CHL1: variants seen among roughly 807,000 people sequenced by gnomAD.
CHL1 encodes the protein cell adhesion molecule L1 like, also known as neural cell adhesion molecule L1-like protein.
CHL1 carries 96 observed loss-of-function variants against 141.9 expected under a neutral mutation model. That is an observed-to-expected ratio of 0.68 (90% CI 0.57 to 0.80). The LOEUF (loss-of-function observed/expected upper bound fraction) is 0.80. Ranked by LOEUF, CHL1 falls within the 30% of genes least tolerant of loss-of-function variation. CHL1 has a pLI of 0.00. For missense variants in CHL1, 1,820 were observed against 1,457.2 expected, an observed-to-expected ratio of 1.25 and a Z score of -4.05; for synonymous variants, 613 against 502.2, an observed-to-expected ratio of 1.22 and a Z score of -2.95.
At chr3:288,617 G>T (rs1001210704) in intron 2 of CHL1, among the ~76,000 whole-genome samples, 4 of 152,146 alleles carry the variant, frequency 2.6e-5, no homozygotes, top group African/African-American at 9.7e-5. Context: ...CCATGAAGGA[G>T]GATGTGATTG....
chr3:323,368 A>G (rs1427111860), intron 3 of CHL1, among the ~76,000 whole-genome samples: 2 of 152,118 alleles, frequency 1.3e-5, no homozygotes, highest in Non-Finnish European at 2.9e-5. Flanking sequence ...AATTTTTGAT[A>G]TTCTATAATG....
chr3:343,338 T>G (rs938373253), intron 8 of CHL1, among the ~76,000 whole-genome samples: 2 of 152,170 alleles, frequency 1.3e-5, no homozygotes, highest in African/African-American at 2.4e-5. Flanking sequence ...GTATATAAGG[T>G]TGATACTTTT....
intron 1 of CHL1, among the ~76,000 whole-genome samples, chr3:201,613 T>C (rs1346624145): frequency 2.0e-5 from 3 of 152,186 alleles, no homozygotes; most frequent in African/African-American, 7.2e-5. Context: ...AGTTTGCTAA[T>C]TGAACTGACA....
At chr3:265,284 C>G (rs959087647) in intron 2 of CHL1, among the ~76,000 whole-genome samples, 12 of 152,304 alleles carry the variant, frequency 7.9e-5, no homozygotes, top group African/African-American at 1.7e-4. Flanking sequence ...AATGGAAATA[C>G]TTGCCTGATA....
chr3:397,984 G>A (rs1184935002), intron 24 of CHL1, among the ~76,000 whole-genome samples: 1 of 151,954 alleles, frequency 6.6e-6, no homozygotes, highest in Non-Finnish European at 1.5e-5. Context: ...CATGTGACCA[G>A]GCAGATTTAC....
At chr3:274,357 G>C (rs1367005666) in intron 2 of CHL1, among the ~76,000 whole-genome samples, 1 of 152,130 alleles carries the variant, frequency 6.6e-6, no homozygotes, top group African/African-American at 2.4e-5. Flanking sequence ...GTAATATTCA[G>C]AAATCTTACT....
At chr3:253,137 G>A (rs1026376042) in intron 2 of CHL1, among the ~76,000 whole-genome samples, 1 of 152,038 alleles carries the variant, frequency 6.6e-6, no homozygotes, top group African/African-American at 2.4e-5. Context: ...AGTCCTTACA[G>A]AGTTTATTTT....
intron 3 of CHL1, among the ~76,000 whole-genome samples, chr3:320,320 A>G (rs889603742): frequency 2.0e-5 from 3 of 152,084 alleles, no homozygotes; most frequent in Non-Finnish European, 4.4e-5. Context: ...TAGCAAAACA[A>G]TAAGCCATTT....
intron 10 of CHL1, among the ~76,000 whole-genome samples, chr3:350,080 A>T (rs575812513): frequency 2.8e-4 from 42 of 152,306 alleles, no homozygotes; most frequent in African/African-American, 1.0e-3. Flanking sequence ...GGTTCAGATG[A>T]TAAATTCAGT....
chr3:224,409 T>G (rs1276241588), intron 1 of CHL1, among the ~76,000 whole-genome samples: 4 of 152,116 alleles, frequency 2.6e-5, no homozygotes, highest in African/African-American at 9.7e-5. Context: ...TGTTCGAGAT[T>G]AGGCCTGGTA....
chr3:343,154 A>C (rs1279813821), intron 8 of CHL1, 123 bp downstream of exon 8: 3 of 700,324 alleles, frequency 4.3e-6, no homozygotes, highest in African/African-American at 1.8e-5. Context: ...AAAACATCTG[A>C]ACTTAGAGGG....
intron 2 of CHL1, among the ~76,000 whole-genome samples, chr3:286,413 C>A (rs1375478205): frequency 6.6e-6 from 1 of 151,998 alleles, no homozygotes; most frequent in Non-Finnish European, 1.5e-5. Flanking sequence ...GAGATCAAGA[C>A]CAGCCTGGCC....
chr3:344,734 G>T (rs746745834), intron 9 of CHL1, 25 bp downstream of exon 9: 2 of 1,610,996 alleles, frequency 1.2e-6, no homozygotes, highest in South Asian at 2.2e-5. Flanking sequence ...TCTCACTCAT[G>T]ACTTTGTCCA....
At chr3:395,287 A>T (rs866389547) in intron 24 of CHL1, among the ~76,000 whole-genome samples, 9 of 152,190 alleles carry the variant, frequency 5.9e-5, no homozygotes, top group South Asian at 2.1e-4. Context: ...TCTCACTTTC[A>T]TGCCTTCACT....
At chr3:327,862 G>A (rs905103938) in intron 4 of CHL1, among the ~76,000 whole-genome samples, 65 of 151,832 alleles carry the variant, frequency 4.3e-4, no homozygotes, top group African/African-American at 1.5e-3. Context: ...TATGTTTCTT[G>A]TAGTCTCCAG....
Position 351,921 on chromosome 3 carries a change from AT to A in CHL1, c.1033+2379del, listed in dbSNP as rs543283774. On this transcript the variant is annotated intron_variant, in intron 10 of 27. Transcript: ENST00000256509. ...AATTACACATTCAATAAAAAGAGAT[AT>A]ATTATAGTGACATCTAAAACAGTCT... 2.9e-3 allele frequency among the ~76,000 whole-genome samples: 443 copies of A among 152,306 alleles called. 2 individuals are homozygous for A. The highest frequency in any genetic ancestry group is 0.01 in the African/African-American group (429 of 41,576).
intron 24 of CHL1, 81 bp downstream of exon 24, chr3:394,953 G>T: frequency 8.7e-7 from 1 of 1,147,142 alleles, no homozygotes; most frequent in African/African-American, 1.6e-5. Flanking sequence ...TGAAAGGAAA[G>T]CACCGTGCCA....
intron 19 of CHL1, among the ~76,000 whole-genome samples, chr3:387,995 A>G (rs184252857): frequency 1.2e-3 from 186 of 152,372 alleles, no homozygotes; most frequent in African/African-American, 3.9e-3. Context: ...GAGAAGGATT[A>G]CAGATTCTGT....
chr3:337,523 C>T (rs544221844), intron 5 of CHL1, among the ~76,000 whole-genome samples: 15 of 151,384 alleles, frequency 9.9e-5, no homozygotes, highest in East Asian at 5.9e-4. Context: ...CCTCTCCCCC[C>T]ACCCCACAAC....
Sources: allele counts gnomAD v4.1 joint callset (sites outside exome capture counted in the v4.1 genomes callset), GRCh38; gene constraint gnomAD v4.1.1; transcripts MANE v1.5; gene names NCBI Gene and HGNC (gene_info 2026-07-23, HGNC 2026-07-21).